The following FRMD4A variants were observed in gnomAD, a reference collection of about 807,000 sequenced individuals.
FRMD4A encodes the protein FERM domain-containing protein 4A.
A neutral mutation model predicts 129.1 loss-of-function variants in FRMD4A; 29 were observed. That is an observed-to-expected ratio of 0.22 (90% CI 0.17 to 0.31). The LOEUF is 0.31. Ranked by LOEUF, FRMD4A falls within the 10% of genes least tolerant of loss-of-function variation. The pLI, the probability that FRMD4A is intolerant of heterozygous loss-of-function variation, is 1.00. For missense variants in FRMD4A, 1,272 were observed against 1,375.8 expected (o/e 0.92, Z 1.19); for synonymous variants, 634 against 571.6 (o/e 1.11, Z -1.56).
chr10:14,230,539 T>A (rs1564403155), intron 2 of FRMD4A, among the ~76,000 whole-genome samples: 1 of 152,240 alleles, frequency 6.6e-6, no homozygotes, highest in Non-Finnish European at 1.5e-5. Flanking sequence ...TTGTTTTGGC[T>A]GTGGCTGTAC....
intron 2 of FRMD4A, among the ~76,000 whole-genome samples, chr10:13,930,344 G>A (rs2095179192): frequency 1.3e-5 from 2 of 152,172 alleles, no homozygotes; most frequent in Non-Finnish European, 2.9e-5. Flanking sequence ...CGAGTGACAA[G>A]AGAGGGCTCC....
chr10:14,185,548 A>C (rs751908545), intron 2 of FRMD4A, among the ~76,000 whole-genome samples: 4 of 152,228 alleles, frequency 2.6e-5, no homozygotes, highest in African/African-American at 7.2e-5. Context: ...CTTGAAACAT[A>C]AAGCAAGACT....
intron 2 of FRMD4A, among the ~76,000 whole-genome samples, chr10:13,872,609 G>A (rs1480828297): frequency 6.6e-6 from 1 of 152,224 alleles, no homozygotes; most frequent in African/African-American, 2.4e-5. Context: ...TGGGAGAGGT[G>A]TAAACCCCAA....
At chr10:13,889,848 T>C (rs2094673721) in intron 2 of FRMD4A, among the ~76,000 whole-genome samples, 1 of 152,246 alleles carries the variant, frequency 6.6e-6, no homozygotes, top group African/African-American at 2.4e-5. Context: ...GGAGGCAACA[T>C]TGTATTCACT....
rs767814151 is a variant in FRMD4A at position 13,675,064 on chromosome 10, T to C, written c.1118-20A>G. 1.7e-5 allele frequency: 28 copies of C among 1,609,080 alleles called. No homozygotes were observed. The highest frequency in any genetic ancestry group is 2.0e-5 in the Non-Finnish European group (24 of 1,179,276). Reference sequence around the variant, plus strand: ...GAGAACCTGTCGATAAACAGTGGGGTTACTTGGCCAGCTGACAGGGGACAC... The same window carrying C: ...GAGAACCTGTCGATAAACAGTGGGGCTACTTGGCCAGCTGACAGGGGACAC... On this transcript the variant is annotated intron_variant, in intron 15 of 24. Coordinates refer to ENST00000357447, the MANE Select transcript of FRMD4A (RefSeq NM_018027.5).
At chr10:13,901,767 G>A (rs2094822231) in intron 2 of FRMD4A, among the ~76,000 whole-genome samples, 1 of 152,114 alleles carries the variant, frequency 6.6e-6, no homozygotes, top group African/African-American at 2.4e-5. Flanking sequence ...AGAGCAGGAA[G>A]TAAGAGCCCC....
chr10:14,291,164 C>T (rs965015553), intron 2 of FRMD4A, among the ~76,000 whole-genome samples: 1 of 152,102 alleles, frequency 6.6e-6, no homozygotes, highest in Non-Finnish European at 1.5e-5. Flanking sequence ...ACATTTGCTT[C>T]TTTCTGGATA....
At chr10:14,156,749 G>A (rs963719426) in intron 2 of FRMD4A, among the ~76,000 whole-genome samples, 1 of 152,158 alleles carries the variant, frequency 6.6e-6, no homozygotes, top group African/African-American at 2.4e-5. Flanking sequence ...ACTTTAATGG[G>A]AACCTTAGAC....
rs1445220592 is a variant in FRMD4A, at chr10:14,166,603, C to T, written c.45+163455G>A. On this transcript the variant is annotated intron_variant, in intron 2 of 24. Coordinates refer to ENST00000357447, the MANE Select transcript of FRMD4A (RefSeq NM_018027.5). Reference sequence around the variant, plus strand: ...CCAAACCAAAGTCAATGTTCACCTCCAGTTATGGTATCTTCACTGGTAGAG... The same window carrying T: ...CCAAACCAAAGTCAATGTTCACCTCTAGTTATGGTATCTTCACTGGTAGAG... Among the ~76,000 whole-genome samples the T allele has an allele frequency of 2.6e-5, 4 of 152,212 alleles. No homozygotes were observed. In the East Asian group the frequency reaches 7.7e-4, roughly 29 times the overall value.
At chr10:14,172,560 T>C (rs1335324417) in intron 2 of FRMD4A, among the ~76,000 whole-genome samples, 1 of 152,204 alleles carries the variant, frequency 6.6e-6, no homozygotes, top group Non-Finnish European at 1.5e-5. Flanking sequence ...TCCACAGATC[T>C]GTTAGGCGCC....
intron 2 of FRMD4A, among the ~76,000 whole-genome samples, chr10:14,270,537 A>G (rs1389317653): frequency 1.3e-5 from 2 of 152,192 alleles, no homozygotes; most frequent in Admixed American, 6.5e-5. Flanking sequence ...TAGGCTGACC[A>G]TAGCTGCAGA....
At chr10:14,022,777 C>T (rs1007593324) in intron 2 of FRMD4A, among the ~76,000 whole-genome samples, 9 of 152,184 alleles carry the variant, frequency 5.9e-5, no homozygotes, top group South Asian at 4.2e-4. Flanking sequence ...TGTCTGACCC[C>T]ATTCTCTTTC....
intron 2 of FRMD4A, among the ~76,000 whole-genome samples, chr10:14,092,248 A>G (rs1232864555): frequency 6.6e-6 from 1 of 152,210 alleles, no homozygotes; most frequent in Non-Finnish European, 1.5e-5. Context: ...TGACCGGGTA[A>G]ATACTCAGCA....
chr10:13,940,260 T>C (rs1210668803), intron 2 of FRMD4A, among the ~76,000 whole-genome samples: 1 of 152,120 alleles, frequency 6.6e-6, no homozygotes, highest in Non-Finnish European at 1.5e-5. Context: ...AGGTCACAGA[T>C]TGGCTTTTCC....
In FRMD4A at chr10:13,821,039, G is replaced by A. The variant is rs541469550; in HGVS notation, c.112-10131C>T. Among the ~76,000 whole-genome samples, 29 of 152,348 alleles carry A rather than the reference G, an allele frequency of 1.9e-4. 1 individual carries two copies. In the East Asian group the frequency reaches 5.4e-3, roughly 28 times the overall value. ...GAGCAAGCTGCCGGGTCTGAAGCCT[G>A]GGCTGTCACTGTGTGTCCCTCTCCA... On this transcript the variant is annotated intron_variant, in intron 3 of 24. Coordinates refer to ENST00000357447, the MANE Select transcript of FRMD4A (RefSeq NM_018027.5). This position sits in a 1 kb window ranked among gnomAD's most constrained non-coding sequence, Gnocchi z 4.3.
intron 2 of FRMD4A, among the ~76,000 whole-genome samples, chr10:13,886,777 T>C (rs1053664975): frequency 4.6e-5 from 7 of 152,112 alleles, no homozygotes; most frequent in Non-Finnish European, 8.8e-5. Context: ...TCTAAACAGA[T>C]CCATGTTGGA....
intron 2 of FRMD4A, among the ~76,000 whole-genome samples, chr10:14,242,034 T>C (rs1357687372): frequency 6.6e-6 from 1 of 152,188 alleles, no homozygotes; most frequent in African/African-American, 2.4e-5. Context: ...GATATCAGCC[T>C]GGAGGAGGAC....
At chr10:13,685,013 T>G (rs909140180) in intron 15 of FRMD4A, 1 of 984,186 alleles carries the variant, frequency 1.0e-6, no homozygotes, top group Non-Finnish European at 1.2e-6. Context: ...ATTTATTTCC[T>G]TGACAAATCC....
chr10:13,730,665 T>C (rs573152663), intron 12 of FRMD4A, among the ~76,000 whole-genome samples: 2 of 152,012 alleles, frequency 1.3e-5, no homozygotes, highest in Non-Finnish European at 2.9e-5. Context: ...CATATGCACA[T>C]GCTAAAATGG....
Sources: gnomAD v4.1 joint callset for allele counts (sites outside exome capture counted in the v4.1 genomes callset) on GRCh38, gnomAD v4.1.1 for gene constraint, Gnocchi (gnomAD v3.1) non-coding constraint, MANE v1.5 for transcripts, NCBI Gene and HGNC (gene_info 2026-07-23, HGNC 2026-07-21) for gene names.